Variants in ICE1 observed in about 807,000 individuals in gnomAD.
The protein encoded by ICE1 is interactor of little elongation complex ELL subunit 1, also known as little elongation complex subunit 1.
A neutral mutation model predicts 192.7 loss-of-function variants in ICE1; 64 were observed. The ratio of observed to expected loss-of-function variants is 0.33; its 90% CI spans 0.27 to 0.41. The LOEUF (loss-of-function observed/expected upper bound fraction) is 0.41. Among genes scored for constraint, ICE1 ranks in the 10% least tolerant of loss-of-function variants. The pLI is 1.00. For synonymous variants in ICE1, 1,010 were observed against 984.5 expected (o/e 1.03, Z -0.49); for missense variants, 2,708 against 2,696.0 (o/e 1.00, Z -0.10).
intron 15 of ICE1, among the ~76,000 whole-genome samples, chr5:5,471,217 A>G (rs943954550): frequency 1.3e-5 from 2 of 152,186 alleles, no homozygotes; most frequent in Non-Finnish European, 2.9e-5. Context: ...CAGAATGAGA[A>G]GACTACTACC....
In ICE1 at chr5:5,455,793, G is replaced by A. The variant is rs1041036616; in HGVS notation, c.691+1155G>A. Among the ~76,000 whole-genome samples, 4 of 152,114 alleles carry A rather than the reference G, an allele frequency of 2.6e-5. No individual in the cohort carries two copies. The East Asian group carries it at 5.8e-4, about 22-fold the overall frequency. ...GATTGCAGGATTTTTAACATTTTCA[G>A]TTACCAATGGTCAAAACCAGGACGT... On this transcript the variant is annotated intron_variant, in intron 11 of 18. Transcript: ENST00000296564.
chr5:5,461,664 C>A lies in ICE1; in HGVS notation c.2330C>A (p.Ala777Asp), dbSNP rs886205221. Residue 777 changes from alanine (A) to aspartate (D), a missense_variant, in exon 13 of 19, where the codon GCC becomes GAC. Transcript: ENST00000296564. ...ACATCATTAATAGGTTCTCAGGCTGCCTTGATCAAGAGTGGTTTGGGTTTT... is the reference window on the plus strand; with the variant it reads ...ACATCATTAATAGGTTCTCAGGCTGACTTGATCAAGAGTGGTTTGGGTTTT... ...DFTSLIGSQAALIKSGLGFVK... is the reference protein window; with the variant it reads ...DFTSLIGSQADLIKSGLGFVK... 1 of 1,613,822 alleles carries A rather than the reference C, an allele frequency of 6.2e-7. No homozygotes were observed.
intron 1 of ICE1, 53 bp downstream of exon 1, chr5:5,423,052 CG>C: frequency 7.9e-7 from 1 of 1,259,472 alleles, no homozygotes; most frequent in Non-Finnish European, 1.0e-6. Flanking sequence ...CTCGGCCGGC[CG>C]GGAGCGCAGG....
At chr5:5,434,915 G>A (rs1038672075) in intron 1 of ICE1, among the ~76,000 whole-genome samples, 7 of 152,148 alleles carry the variant, frequency 4.6e-5, no homozygotes, top group African/African-American at 1.7e-4. Context: ...TTTAAAAAAT[G>A]TCTATTGACT....
intron 11 of ICE1, 130 bp from the exon 12 acceptor site, chr5:5,457,202 T>A: frequency 1.1e-6 from 1 of 893,942 alleles, no homozygotes; most frequent in Non-Finnish European, 1.6e-6. Flanking sequence ...GGTTGCCTTT[T>A]AAAAAATTAC....
chr5:5,449,787 A>G (rs1738359746), intron 10 of ICE1, among the ~76,000 whole-genome samples: 1 of 152,220 alleles, frequency 6.6e-6, no homozygotes, highest in Non-Finnish European at 1.5e-5. Flanking sequence ...TTCATTTTCT[A>G]AAGTTTTAGC....
At chr5:5,428,181 C>G (rs377156206) in intron 1 of ICE1, among the ~76,000 whole-genome samples, 129 of 152,164 alleles carry the variant, frequency 8.5e-4, no homozygotes, top group African/African-American at 2.9e-3. Flanking sequence ...AGAAGCCACT[C>G]TGCTTGGTTT....
chr5:5,450,255 A>T (rs896079197), intron 10 of ICE1, among the ~76,000 whole-genome samples: 2 of 152,204 alleles, frequency 1.3e-5, no homozygotes, highest in Admixed American at 1.3e-4. Context: ...CCAGATAGGG[A>T]TCTTGAAAAT....
chr5:5,439,915 T>A lies in ICE1; in HGVS notation c.197+2T>A. 6.4e-7 allele frequency: 1 copy of A among 1,555,266 alleles called. No homozygotes were observed. Among genetic ancestry groups the A allele is most frequent in the Non-Finnish European group, 8.7e-7 (1 of 1,148,358 alleles). ...TTTACAGCTGCAGTTTGCAAGAAGGTGAGCCAACCTGTTTCATAGTTTATG... is the reference window on the plus strand; with the variant it reads ...TTTACAGCTGCAGTTTGCAAGAAGGAGAGCCAACCTGTTTCATAGTTTATG... On this transcript the variant is annotated splice_donor_variant, in intron 4 of 18. Transcript: ENST00000296564. LOFTEE classifies it high-confidence loss of function.
Position 5,463,149 on chromosome 5 carries a change from CAAATTCTGA to C in ICE1, c.3817_3825del (p.Asn1273_Glu1275del). The C allele has an allele frequency of 1.2e-6, 2 of 1,612,512 alleles. No homozygotes were observed. Among genetic ancestry groups the C allele is most frequent in the African/African-American group, 2.7e-5 (2 of 74,998 alleles). On this transcript the variant is annotated inframe_deletion, in exon 13 of 19. Transcript: ENST00000296564. ...ACCAAGATTAGGCAAGAACTTCAAA[CAAATTCTGA>C]AGATTGCAATGGTAAAGATACTGGC...
At chr5:5,472,828 A>G (rs1433855014) in intron 15 of ICE1, among the ~76,000 whole-genome samples, 2 of 152,196 alleles carry the variant, frequency 1.3e-5, no homozygotes, top group African/African-American at 4.8e-5. Flanking sequence ...AGGCATGACT[A>G]CTTTGCAAAA....
chr5:5,466,028 G>A (rs2087283684), intron 13 of ICE1, among the ~76,000 whole-genome samples: 1 of 152,090 alleles, frequency 6.6e-6, no homozygotes, highest in Non-Finnish European at 1.5e-5. Flanking sequence ...AAGAAATTAT[G>A]ATTATTTGAC....
intron 17 of ICE1, among the ~76,000 whole-genome samples, chr5:5,480,079 C>T (rs1739452858): frequency 6.6e-6 from 1 of 151,982 alleles, no homozygotes; most frequent in Non-Finnish European, 1.5e-5. Flanking sequence ...ATGTGTATTC[C>T]ACAACTGAAA....
In ICE1 at chr5:5,464,104, A is replaced by G. The variant is rs769606905; in HGVS notation, c.4770A>G (p.Glu1590=). The change falls in exon 13 of 19, where the codon GAA becomes GAG. Residue 1590 remains glutamate, a synonymous_variant. Coordinates refer to ENST00000296564, the MANE Select transcript of ICE1 (RefSeq NM_015325.3). The surrounding 1 kb of genome is among the most constrained non-coding windows in gnomAD (Gnocchi z 4.0). ...AAGTTGCTCAGTCATTTTCAGGGGA[A>G]AAAGCTAATACAAAAACTCAAAGAA... ...QSEVAQSFSG[E]KANTKTQRSQ... is the part of the protein sequence containing the mutation. The G allele has an allele frequency of 6.2e-7, 1 of 1,613,600 alleles. No homozygotes were observed. The highest frequency in any genetic ancestry group is 8.5e-7 in the Non-Finnish European group (1 of 1,179,890).
At chr5:5,426,398 T>C (rs1311482917) in intron 1 of ICE1, among the ~76,000 whole-genome samples, 1 of 146,292 alleles carries the variant, frequency 6.8e-6, no homozygotes, top group Non-Finnish European at 1.5e-5. Flanking sequence ...TGAGCCGAGA[T>C]GGTGCCACCA....
At chr5:5,486,940 G>A (rs1404949187) in intron 18 of ICE1, 121 bp downstream of exon 18, 3 of 600,870 alleles carry the variant, frequency 5.0e-6, no homozygotes, top group Non-Finnish European at 8.6e-6. Context: ...ATAGATTAGG[G>A]AATATTTGCA....
chr5:5,432,120 C>G (rs1561072666), intron 1 of ICE1, among the ~76,000 whole-genome samples: 2 of 152,138 alleles, frequency 1.3e-5, no homozygotes, highest in Non-Finnish European at 2.9e-5. Flanking sequence ...GCAGACATCA[C>G]CACTACATAG....
chr5:5,450,522 G>A (rs1738383304), intron 10 of ICE1, among the ~76,000 whole-genome samples: 1 of 152,172 alleles, frequency 6.6e-6, no homozygotes, highest in Non-Finnish European at 1.5e-5. Flanking sequence ...AGACATGACA[G>A]AAGGGAACTT....
chr5:5,438,381 A>C (rs1737941436), intron 3 of ICE1, among the ~76,000 whole-genome samples: 1 of 152,248 alleles, frequency 6.6e-6, no homozygotes, highest in Non-Finnish European at 1.5e-5. Flanking sequence ...TTTCTGTGAA[A>C]ATCGTAAAAT....
Sources: allele counts gnomAD v4.1 joint callset (sites outside exome capture counted in the v4.1 genomes callset), GRCh38; gene constraint gnomAD v4.1.1; non-coding constraint Gnocchi (gnomAD v3.1); transcripts MANE v1.5; gene names NCBI Gene and HGNC (gene_info 2026-07-23, HGNC 2026-07-21).